SLC17A3: variants seen among roughly 807,000 people sequenced by gnomAD.
SLC17A3 encodes the protein sodium-dependent phosphate transport protein 4.
In SLC17A3, 61 loss-of-function variants were observed where a neutral mutation model predicts 60.3. That is an observed-to-expected ratio of 1.01 (90% CI 0.82 to 1.25). The LOEUF (loss-of-function observed/expected upper bound fraction) is 1.25. SLC17A3 is among the 50% of genes most tolerant of loss of function. SLC17A3 has a pLI of 0.00. For synonymous variants in SLC17A3, 192 were observed against 208.9 expected (o/e 0.92, Z 0.70); for missense variants, 624 against 594.9 (o/e 1.05, Z -0.51).
At chr6:25,849,999 G>A in intron 9 of SLC17A3, 47 bp from the exon 10 acceptor site, 2 of 1,613,868 alleles carry the variant, frequency 1.2e-6, no homozygotes, top group Non-Finnish European at 1.7e-6. Context: ...TGCATTCTTT[G>A]GCTGTTGTAT....
intron 2 of SLC17A3, among the ~76,000 whole-genome samples, chr6:25,866,231 G>A (rs900306265): frequency 1.3e-5 from 2 of 151,976 alleles, no homozygotes; most frequent in Non-Finnish European, 2.9e-5. Flanking sequence ...GCTTGATGAA[G>A]TAAGCAGGAA....
chr6:25,862,205 G>T lies in SLC17A3; in HGVS notation c.303+28C>A, dbSNP rs1765461370. On this transcript the variant is annotated intron_variant, in intron 3 of 12. Transcript: ENST00000397060. ...AAGCAAATAAACAGCAAAAAGAAAAGCACAAATTTATATCTTATGTTGCTT... is the reference window on the plus strand; with the variant it reads ...AAGCAAATAAACAGCAAAAAGAAAATCACAAATTTATATCTTATGTTGCTT... 2.5e-6 allele frequency: 4 copies of T among 1,584,688 alleles called. No homozygotes were observed. The East Asian group carries it at 6.7e-5, about 27-fold the overall frequency.
At chr6:25,864,777 A>G (rs975997643) in intron 2 of SLC17A3, among the ~76,000 whole-genome samples, 2 of 152,062 alleles carry the variant, frequency 1.3e-5, no homozygotes, top group African/African-American at 4.8e-5. Flanking sequence ...GAGTTGAGGC[A>G]TAACATTGGG....
chr6:25,862,345 A>G lies in SLC17A3; in HGVS notation c.191T>C (p.Val64Ala). The G allele has an allele frequency of 6.2e-7, 1 of 1,612,804 alleles. No individual in the cohort carries two copies. Among genetic ancestry groups the G allele is most frequent in the Non-Finnish European group, 8.5e-7 (1 of 1,178,880 alleles). The stretch of plus-strand genomic sequence containing the variant: ...AGGGCTTGTGCTGTTGACCATGGCT[A>G]CCATGGTGATGTTCATGATGACATT... ...AQNVIMNITM[V>A]AMVNSTSPQS... Residue 64 changes from valine (V) to alanine (A), a missense_variant, in exon 3 of 13, where the codon GTA (valine) becomes GCA (alanine). Physicochemically the swap from Val to Ala is moderately conservative, Grantham distance 64. Coordinates refer to ENST00000397060, the MANE Select transcript of SLC17A3 (RefSeq NM_001098486.2).
At chr6:25,865,187 T>C (rs1765515280) in intron 2 of SLC17A3, among the ~76,000 whole-genome samples, 1 of 151,980 alleles carries the variant, frequency 6.6e-6, no homozygotes, top group South Asian at 2.1e-4. Context: ...CTGTAGCACA[T>C]ATATATGGTG....
intron 2 of SLC17A3, among the ~76,000 whole-genome samples, chr6:25,862,893 T>C (rs1765475967): frequency 6.6e-6 from 1 of 151,602 alleles, no homozygotes; most frequent in African/African-American, 2.4e-5. Flanking sequence ...TATATACATG[T>C]ATAGCATATA....
chr6:25,864,622 A>G (rs1765505547), intron 2 of SLC17A3, among the ~76,000 whole-genome samples: 1 of 140,764 alleles, frequency 7.1e-6, no homozygotes, highest in African/African-American at 2.7e-5. Context: ...TCCTAGGAAG[A>G]AAGTTCTTGG....
At chr6:25,861,443 A>G (rs1012699133) in intron 5 of SLC17A3, among the ~76,000 whole-genome samples, 181 bp downstream of exon 5, 9 of 152,198 alleles carry the variant, frequency 5.9e-5, no homozygotes, top group Admixed American at 5.9e-4. Flanking sequence ...TCATGCCACA[A>G]ATGACATCCT....
At chr6:25,846,201 A>T (rs931381183) in intron 11 of SLC17A3, among the ~76,000 whole-genome samples, 2 of 152,224 alleles carry the variant, frequency 1.3e-5, no homozygotes, top group Non-Finnish European at 2.9e-5. Flanking sequence ...TTTGAAATAG[A>T]TAACCAGAAT....
intron 1 of SLC17A3, among the ~76,000 whole-genome samples, chr6:25,870,063 A>G (rs955117473): frequency 3.9e-5 from 6 of 152,014 alleles, no homozygotes; most frequent in Non-Finnish European, 8.8e-5. Flanking sequence ...ATTACAAATA[A>G]AGCTGCTGTG....
chr6:25,849,789 G>T lies in SLC17A3; in HGVS notation c.1271+16C>A. ...TAAAGAAAATGTGAAACTGATAGTG[G>T]AGATCAGAGTCCTACCTTGGAGCAA... On this transcript the variant is annotated intron_variant, in intron 10 of 12. Coordinates refer to ENST00000397060, the MANE Select transcript of SLC17A3 (RefSeq NM_001098486.2). 1 of 1,611,700 alleles carries T rather than the reference G, an allele frequency of 6.2e-7. No homozygotes were observed. Among genetic ancestry groups the T allele is most frequent in the Non-Finnish European group, 8.5e-7 (1 of 1,177,892 alleles).
intron 11 of SLC17A3, among the ~76,000 whole-genome samples, chr6:25,848,239 C>T (rs1043711375): frequency 2.0e-5 from 3 of 152,114 alleles, no homozygotes; most frequent in Non-Finnish European, 4.4e-5. Context: ...CGTATAATGA[C>T]TTCTTTTCTC....
At chr6:25,854,402 G>T (rs1765327148) in intron 6 of SLC17A3, among the ~76,000 whole-genome samples, 1 of 150,906 alleles carries the variant, frequency 6.6e-6, no homozygotes. Context: ...ATTCTTATCT[G>T]ATATTAATAT....
chr6:25,854,156 T>C (rs1006426724), intron 6 of SLC17A3, among the ~76,000 whole-genome samples: 9 of 152,222 alleles, frequency 5.9e-5, no homozygotes, highest in African/African-American at 2.2e-4. Context: ...TGAAGCACAC[T>C]TGAAAATAAG....
chr6:25,846,177 C>G (rs1765171607), intron 11 of SLC17A3, among the ~76,000 whole-genome samples: 1 of 151,978 alleles, frequency 6.6e-6, no homozygotes, highest in Non-Finnish European at 1.5e-5. Context: ...TTAAAAGGAA[C>G]TATTTTATCA....
chr6:25,863,713 A>C (rs773412030), intron 2 of SLC17A3, among the ~76,000 whole-genome samples: 1 of 152,096 alleles, frequency 6.6e-6, no homozygotes, highest in Non-Finnish European at 1.5e-5. Flanking sequence ...TAGCAGAGCA[A>C]GCCTGGGATT....
chr6:25,870,223 A>C (rs1420825194), intron 1 of SLC17A3, among the ~76,000 whole-genome samples: 1 of 151,986 alleles, frequency 6.6e-6, no homozygotes, highest in Non-Finnish European at 1.5e-5. Context: ...TGGTGTGGCC[A>C]GTACATTTTA....
Position 25,849,459 on chromosome 6 carries a change from G to A in SLC17A3, c.1277C>T (p.Ser426Phe). ...INVLDIAPRY[S>F]SFLMGASRGF... ...TCTTGATGCTCCCATGAGAAAACTG[G>A]AATACCTGTGGGTGACAGGAATGTT... Residue 426 changes from serine (S) to phenylalanine (F), a missense_variant, in exon 11 of 13, where the codon TCC becomes TTC. Ser to Phe is a radical substitution (Grantham distance 155, BLOSUM62 -2). Transcript: ENST00000397060. 6.2e-7 allele frequency: 1 copy of A among 1,603,760 alleles called. No homozygotes were observed. The highest frequency in any genetic ancestry group is 2.2e-5 in the East Asian group (1 of 44,804).
intron 1 of SLC17A3, among the ~76,000 whole-genome samples, chr6:25,870,918 T>G (rs1463560700): frequency 6.6e-6 from 1 of 152,052 alleles, no homozygotes; most frequent in Non-Finnish European, 1.5e-5. Context: ...AAGATCAAAA[T>G]GTTGTCTCTT....
Sources: allele counts gnomAD v4.1 joint callset (sites outside exome capture counted in the v4.1 genomes callset), GRCh38; gene constraint gnomAD v4.1.1; transcripts MANE v1.5; gene names NCBI Gene and HGNC (gene_info 2026-07-23, HGNC 2026-07-21).